The following SHISA6 variants were observed in gnomAD, a reference collection of about 807,000 sequenced individuals.
SHISA6 encodes the protein shisa family member 6, also known as protein shisa-6.
In SHISA6, 22 loss-of-function variants were observed where a neutral mutation model predicts 47.9. The ratio of observed to expected loss-of-function variants is 0.46; its 90% CI spans 0.33 to 0.66. The LOEUF is 0.66. Among genes scored for constraint, SHISA6 ranks in the 30% least tolerant of loss-of-function variants. The pLI is 0.02. For synonymous variants in SHISA6, 388 were observed against 337.8 expected, an observed-to-expected ratio of 1.15 and a Z score of -1.63; for missense variants, 680 against 764.6, an observed-to-expected ratio of 0.89 and a Z score of 1.30.
intron 2 of SHISA6, among the ~76,000 whole-genome samples, chr17:11,360,240 C>T (rs1912219740): frequency 1.3e-5 from 2 of 152,154 alleles, no homozygotes; most frequent in African/African-American, 4.8e-5. Context: ...GCCGCATGTT[C>T]TCACTCATAA....
At chr17:11,450,631 G>A (rs1244567574) in intron 3 of SHISA6, among the ~76,000 whole-genome samples, 2 of 151,940 alleles carry the variant, frequency 1.3e-5, no homozygotes, top group Non-Finnish European at 2.9e-5. Flanking sequence ...GGAGGCAGAG[G>A]TTGCAGTGAG....
intron 3 of SHISA6, among the ~76,000 whole-genome samples, chr17:11,438,240 T>C (rs1303606543): frequency 6.6e-6 from 1 of 152,212 alleles, no homozygotes; most frequent in Middle Eastern, 3.2e-3. Flanking sequence ...ATTTCGACCA[T>C]GTTTGCATCC....
At chr17:11,435,787 T>G (rs1457498897) in intron 3 of SHISA6, among the ~76,000 whole-genome samples, 1 of 152,182 alleles carries the variant, frequency 6.6e-6, no homozygotes, top group Non-Finnish European at 1.5e-5. Flanking sequence ...TAAACCAGCT[T>G]CTAGAAATTT....
Position 11,241,412 on chromosome 17 carries a change from C to G in SHISA6, c.-11C>G. 8.8e-7 allele frequency: 1 copy of G among 1,134,856 alleles called. No individual in the cohort carries two copies. Among genetic ancestry groups the G allele is most frequent in the Non-Finnish European group, 1.1e-6 (1 of 918,352 alleles). The allele number at this position is 1,134,856 out of a possible 1,614,324, so 70.3% of individuals were successfully genotyped here. On this transcript the variant is annotated 5_prime_UTR_variant, in exon 1 of 6. Coordinates refer to ENST00000441885, the MANE Select transcript of SHISA6 (RefSeq NM_207386.4). The surrounding 1 kb of genome is among the most constrained non-coding windows in gnomAD (Gnocchi z 5.5). ...CGGAAGCCTCCCCGCGCCCTCCCGC[C>G]CGGCCCCGCCATGGCGCTGCGGCGC...
intron 3 of SHISA6, among the ~76,000 whole-genome samples, chr17:11,437,054 G>T (rs1376043898): frequency 2.0e-5 from 3 of 152,212 alleles, no homozygotes; most frequent in African/African-American, 7.2e-5. Context: ...GGTGCAGAAA[G>T]CTTATTCCAA....
chr17:11,335,683 A>G (rs1911293713), intron 2 of SHISA6, among the ~76,000 whole-genome samples: 1 of 152,138 alleles, frequency 6.6e-6, no homozygotes, highest in Non-Finnish European at 1.5e-5. Flanking sequence ...ATATTTTCCC[A>G]CGAATTATCA....
intron 3 of SHISA6, among the ~76,000 whole-genome samples, chr17:11,461,863 A>T (rs575579487): frequency 1.3e-5 from 2 of 152,320 alleles, no homozygotes; most frequent in South Asian, 4.2e-4. Context: ...ATCTCTAGGA[A>T]TTAGTTAACT....
At chr17:11,436,126 G>T (rs1230974614) in intron 3 of SHISA6, among the ~76,000 whole-genome samples, 2 of 152,180 alleles carry the variant, frequency 1.3e-5, no homozygotes, top group Non-Finnish European at 2.9e-5. Context: ...CAGGGGGAAA[G>T]AATCCTCTTG....
intron 3 of SHISA6, among the ~76,000 whole-genome samples, chr17:11,381,041 G>A (rs1388934217): frequency 6.6e-6 from 1 of 152,138 alleles, no homozygotes; most frequent in Non-Finnish European, 1.5e-5. Flanking sequence ...CTGAGTGGGT[G>A]GGAACTACAC....
chr17:11,261,942 T>C (rs918950916), intron 1 of SHISA6, among the ~76,000 whole-genome samples: 1 of 152,216 alleles, frequency 6.6e-6, no homozygotes, highest in Admixed American at 6.5e-5. Flanking sequence ...CAGTAGTGTA[T>C]GAAGGCTCCA....
chr17:11,390,702 A>T (rs1913356099), intron 3 of SHISA6, among the ~76,000 whole-genome samples: 1 of 152,190 alleles, frequency 6.6e-6, no homozygotes, highest in African/African-American at 2.4e-5. Context: ...GCATGTTGGA[A>T]GCCAGGTTGT....
chr17:11,428,229 G>C (rs1029850804), intron 3 of SHISA6, among the ~76,000 whole-genome samples: 4 of 152,230 alleles, frequency 2.6e-5, no homozygotes, highest in Non-Finnish European at 4.4e-5. Context: ...GACCAAGCTT[G>C]ATGACAGAAT....
intron 3 of SHISA6, among the ~76,000 whole-genome samples, chr17:11,483,496 C>T (rs1186539337): frequency 6.6e-6 from 1 of 151,952 alleles, no homozygotes; most frequent in Non-Finnish European, 1.5e-5. Flanking sequence ...ATAATTACTC[C>T]AAAAATGTAA....
At chr17:11,462,178 C>T (rs1375957326) in intron 3 of SHISA6, among the ~76,000 whole-genome samples, 1 of 152,194 alleles carries the variant, frequency 6.6e-6, no homozygotes, top group Non-Finnish European at 1.5e-5. Context: ...CCCTCCCCCT[C>T]TTGCTTCTGT....
chr17:11,348,466 A>T (rs1476685791), intron 2 of SHISA6, among the ~76,000 whole-genome samples: 1 of 152,164 alleles, frequency 6.6e-6, no homozygotes, highest in Non-Finnish European at 1.5e-5. Context: ...CTATATTTAA[A>T]AGAATTAAAT....
intron 2 of SHISA6, among the ~76,000 whole-genome samples, chr17:11,278,451 A>G (rs551004926): frequency 1.3e-5 from 2 of 152,272 alleles, no homozygotes; most frequent in South Asian, 4.2e-4. Flanking sequence ...CCTCGCCCAT[A>G]TGTGTTGAGT....
intron 2 of SHISA6, among the ~76,000 whole-genome samples, chr17:11,276,990 C>A (rs1489942371): frequency 6.6e-6 from 1 of 152,002 alleles, no homozygotes; most frequent in East Asian, 1.9e-4. Flanking sequence ...ATGGAGGGTA[C>A]GAGGGGAAGA....
At chr17:11,324,285 T>C (rs570527675) in intron 2 of SHISA6, among the ~76,000 whole-genome samples, 5 of 152,314 alleles carry the variant, frequency 3.3e-5, no homozygotes, top group South Asian at 4.1e-4. Flanking sequence ...GATGACACTC[T>C]TCCTTTCCCC....
intron 2 of SHISA6, among the ~76,000 whole-genome samples, chr17:11,354,551 T>C (rs1291946916): frequency 6.6e-6 from 1 of 152,148 alleles, no homozygotes; most frequent in East Asian, 1.9e-4. Context: ...AGTAAATTAA[T>C]GAGACGCATC....
Sources: allele counts gnomAD v4.1 joint callset (sites outside exome capture counted in the v4.1 genomes callset), GRCh38; gene constraint gnomAD v4.1.1; non-coding constraint Gnocchi (gnomAD v3.1); transcripts MANE v1.5; gene names NCBI Gene and HGNC (gene_info 2026-07-23, HGNC 2026-07-21).